Variants in MYH13 observed in about 807,000 individuals in gnomAD.
MYH13 encodes myosin-13.
A neutral mutation model predicts 232.1 loss-of-function variants in MYH13; 177 were observed. That is an observed-to-expected ratio of 0.76 (90% confidence interval 0.67 to 0.86). The LOEUF is 0.86. Ranked by LOEUF, MYH13 falls within the 40% of genes least tolerant of loss-of-function variation. The pLI is 0.00. For missense variants in MYH13, 2,246 were observed against 2,405.9 expected (o/e 0.93, Z 1.39); for synonymous variants, 884 against 923.5 (o/e 0.96, Z 0.78).
chr17:10,337,011 G>A (rs1295211429), intron 18 of MYH13, among the ~76,000 whole-genome samples: 1 of 151,632 alleles, frequency 6.6e-6, no homozygotes, highest in Admixed American at 6.6e-5. Flanking sequence ...ACCGCCTCCT[G>A]GGTACAAGCA....
rs1286163083 is a variant in MYH13, at chr17:10,313,435, C to T, written c.3985-81G>A. The T allele has an allele frequency of 2.5e-6, 4 of 1,592,838 alleles. No individual in the cohort carries two copies. The Admixed American group carries it at 6.8e-5, about 27-fold the overall frequency. On this transcript the variant is annotated intron_variant, in intron 29 of 40. Coordinates refer to ENST00000252172, the MANE Select transcript of MYH13 (RefSeq NM_003802.3). ...GGTATTTTCATTTAAATCGCTTTCCCCCAACTTGAATTATCCCTATGCTGT... is the reference window on the plus strand; with the variant it reads ...GGTATTTTCATTTAAATCGCTTTCCTCCAACTTGAATTATCCCTATGCTGT...
chr17:10,339,019 A>C (rs1273699737), intron 18 of MYH13, among the ~76,000 whole-genome samples: 1 of 152,174 alleles, frequency 6.6e-6, no homozygotes, highest in Non-Finnish European at 1.5e-5. Flanking sequence ...TTTTATGGAC[A>C]AGAAAGCTGA....
chr17:10,350,546 A>G lies in MYH13; in HGVS notation c.1144+10T>C. On this transcript the variant is annotated intron_variant, in intron 12 of 40. Transcript: ENST00000252172. Reference sequence around the variant, plus strand: ...GGACCCAATCGCATCCCTTTCCCAGATGCAGTTACCTTCGGTGCCGTCTGG... The same window carrying G: ...GGACCCAATCGCATCCCTTTCCCAGGTGCAGTTACCTTCGGTGCCGTCTGG... 1 of 1,611,010 alleles carries G rather than the reference A, an allele frequency of 6.2e-7. No individual in the cohort carries two copies. Among genetic ancestry groups the G allele is most frequent in the East Asian group, 2.2e-5 (1 of 44,788 alleles).
At chr17:10,370,558 A>G (rs1481304407) in intron 2 of MYH13, among the ~76,000 whole-genome samples, 1 of 151,812 alleles carries the variant, frequency 6.6e-6, no homozygotes, top group Admixed American at 6.6e-5. Flanking sequence ...AATCTCCATC[A>G]CCCACTTGTG....
rs1413288530 is a variant in MYH13, at chr17:10,319,005, A to T, written c.3523T>A (p.Phe1175Ile). Residue 1175 changes from phenylalanine (F) to isoleucine (I), a missense_variant, in exon 27 of 41, where the codon TTC (phenylalanine) becomes ATC (isoleucine). Transcript: ENST00000252172. Reference sequence around the variant, plus strand: ...TCCAGGTCCCTGCGCATTTTCTGGAACTCAGCCTCCCTCTTCTTGTTCATC... The same window carrying T: ...TCCAGGTCCCTGCGCATTTTCTGGATCTCAGCCTCCCTCTTCTTGTTCATC... ...IEMNKKREAE[F>I]QKMRRDLEEA... 1.2e-6 allele frequency: 2 copies of T among 1,613,754 alleles called. No individual in the cohort carries two copies. The highest frequency in any genetic ancestry group is 2.2e-5 in the South Asian group (2 of 91,070).
chr17:10,348,593 A>C (rs1452297648), intron 12 of MYH13, among the ~76,000 whole-genome samples: 2 of 152,170 alleles, frequency 1.3e-5, no homozygotes, highest in Non-Finnish European at 2.9e-5. Flanking sequence ...CACTGCACAC[A>C]CACAGCTGCT....
rs775192727 is a variant in MYH13, at chr17:10,315,957, T to C, written c.3807A>G (p.Gln1269=). Residue 1269 remains glutamine (Q), a synonymous_variant, in exon 28 of 41, where the codon CAA becomes CAG. Transcript: ENST00000252172. The part of the protein sequence containing the change: ...QFSEIKAKDE[Q]QTQLIHDLNM... ...TCAGATCATGGATCAACTGTGTCTG[T>C]TGCTCGTCCTTGGCTTTGATTTCAC... 1.2e-6 allele frequency: 2 copies of C among 1,613,898 alleles called. No homozygotes were observed. Among genetic ancestry groups the C allele is most frequent in the African/African-American group, 2.7e-5 (2 of 74,934 alleles).
intron 7 of MYH13, 92 bp downstream of exon 7, chr17:10,359,868 C>T (rs2071778323): frequency 8.6e-7 from 1 of 1,167,248 alleles, no homozygotes; most frequent in Admixed American, 1.8e-5. Context: ...GCCGTTTCTA[C>T]TGAGCGCATA....
intron 35 of MYH13, 97 bp from the exon 36 acceptor site, chr17:10,307,161 T>G: frequency 6.8e-7 from 1 of 1,466,448 alleles, no homozygotes; most frequent in Non-Finnish European, 9.2e-7. Flanking sequence ...ATTGTGATCC[T>G]GTTCCATTTC....
rs764373842 is a variant in MYH13 at position 10,309,790 on chromosome 17, T to A, written c.4697A>T (p.Gln1566Leu). 8.8e-6 allele frequency: 14 copies of A among 1,597,370 alleles called. No homozygotes were observed. The South Asian group carries it at 1.6e-4, about 18-fold the overall frequency. The change falls in exon 34 of 41, where the codon CAG (glutamine) becomes CTG (leucine). Residue 1566 changes from glutamine to leucine, a missense_variant. Transcript: ENST00000252172. Reference protein sequence around the residue: ...EHEESKILRVQLELSQVKSEL... With the variant: ...EHEESKILRVLLELSQVKSEL... ...GGATTTCACCTGGCTCAGCTCTAGC[T>A]GCACGCGCAAGATCTTGCTCTCCTC...
rs561859689 is a variant in MYH13, at chr17:10,306,886, C to A, written c.5295+53G>T. On this transcript the variant is annotated intron_variant, in intron 36 of 40. Transcript: ENST00000252172. The surrounding 1 kb of genome is among the most constrained non-coding windows in gnomAD (Gnocchi z 4.3). ...TACTTGCCACACCCTGGCTCAGAGG[C>A]CCCACTTTCTCAGTTCCAAACCCCA... The A allele has an allele frequency of 1.2e-6, 2 of 1,607,770 alleles. No homozygotes were observed.
chr17:10,350,959 C>T (rs937051412), intron 11 of MYH13, among the ~76,000 whole-genome samples: 8 of 151,926 alleles, frequency 5.3e-5, no homozygotes, highest in African/African-American at 1.7e-4. Flanking sequence ...CGGTGGCTCA[C>T]GCCTGTAATC....
intron 35 of MYH13, among the ~76,000 whole-genome samples, chr17:10,307,367 A>G (rs1050155818): frequency 2.0e-5 from 3 of 152,218 alleles, no homozygotes; most frequent in African/African-American, 7.2e-5. Flanking sequence ...ATGATGATAG[A>G]CATACTATAT....
chr17:10,350,981 AGAGGCCAGGGCAGGCAGATTAC>A (rs2071705827), intron 11 of MYH13, among the ~76,000 whole-genome samples: 1 of 151,880 alleles, frequency 6.6e-6, no homozygotes, highest in Admixed American at 6.6e-5. Flanking sequence ...CAGCACTTTG[AGAGGCCAGGGCAGGCAGATTAC>A]GAGGTCAGGA....
At position 10,362,151 on chromosome 17, in the gene MYH13, T is replaced by C. The variant is rs2071798629; in HGVS notation, c.472A>G (p.Ile158Val). 4.3e-6 allele frequency: 7 copies of C among 1,613,888 alleles called. No individual in the cohort carries two copies. Among genetic ancestry groups the C allele is most frequent in the Non-Finnish European group, 5.9e-6 (7 of 1,179,866 alleles). The change falls in exon 5 of 41, where the codon ATC becomes GTC. Residue 158 changes from isoleucine (I) to valine (V), a missense_variant. Coordinates refer to ENST00000252172, the MANE Select transcript of MYH13 (RefSeq NM_003802.3). ...ATGAACTGATAGGCATTGTCAGAGA[T>C]GGAGAAGATGTGGGGCGGGGCCTCC... is the stretch of plus-strand genomic sequence containing the variant. ...RQEAPPHIFS[I>V]SDNAYQFMLT...
At chr17:10,353,969 G>GGAAGGAAGGC (rs2071730232) in intron 11 of MYH13, among the ~76,000 whole-genome samples, 4 of 120,684 alleles carry the variant, frequency 3.3e-5, no homozygotes, top group Admixed American at 1.6e-4. Flanking sequence ...GGAAGGAAGG[G>GGAAGGAAGGC]AAAGACTCTG....
Position 10,364,383 on chromosome 17 carries a change from C to T in MYH13, c.148G>A (p.Gly50Ser). The T allele has an allele frequency of 1.9e-6, 3 of 1,613,956 alleles. No individual in the cohort carries two copies. The highest frequency in any genetic ancestry group is 2.5e-6 in the Non-Finnish European group (3 of 1,179,864). ...TCATTTTCCCTAGTCTGGATCATGC[C>T]TTTCACATACATTTCCTTATTATCC... ...VADNKEMYVK[G>S]MIQTRENDKV... Residue 50 changes from glycine to serine, a missense_variant, in exon 3 of 41, where the codon GGC becomes AGC. Transcript: ENST00000252172.
In MYH13 at chr17:10,315,815, C is replaced by G; in HGVS notation, c.3866-4G>C. 3.1e-6 allele frequency: 5 copies of G among 1,613,970 alleles called. No individual in the cohort carries two copies. Among genetic ancestry groups the G allele is most frequent in the Non-Finnish European group, 4.2e-6 (5 of 1,179,882 alleles). ...TCCACTCGGTGGCTCAGCTCCCCTA[C>G]CAAACAGATGTGGCCCCCACGTCAG... On this transcript the variant is annotated splice_polypyrimidine_tract_variant and splice_region_variant and intron_variant, in intron 28 of 40. Transcript: ENST00000252172.
intron 23 of MYH13, among the ~76,000 whole-genome samples, chr17:10,322,308 G>T (rs2142234593): frequency 6.6e-6 from 1 of 152,228 alleles, no homozygotes; most frequent in East Asian, 1.9e-4. Context: ...TGAAACAGGA[G>T]AATCGCTTGA....
Sources: allele counts gnomAD v4.1 joint callset (sites outside exome capture counted in the v4.1 genomes callset), GRCh38; gene constraint gnomAD v4.1.1; non-coding constraint Gnocchi (gnomAD v3.1); transcripts MANE v1.5; gene names NCBI Gene and HGNC (gene_info 2026-07-23, HGNC 2026-07-21).